Variants in ALK observed in about 807,000 individuals in gnomAD.
ALK encodes ALK tyrosine kinase receptor.
ALK carries 74 observed loss-of-function variants against 163.1 expected under a neutral mutation model. That is an observed-to-expected ratio of 0.45 (90% CI 0.38 to 0.55). The LOEUF (loss-of-function observed/expected upper bound fraction) is 0.55. Ranked by LOEUF, ALK falls within the 20% of genes least tolerant of loss-of-function variation. The pLI, the probability that ALK is intolerant of heterozygous loss-of-function variation, is 0.00. For synonymous variants in ALK, 960 were observed against 843.2 expected, an observed-to-expected ratio of 1.14 and a Z score of -2.40; for missense variants, 2,063 against 2,105.3, an observed-to-expected ratio of 0.98 and a Z score of 0.39.
intron 1 of ALK, among the ~76,000 whole-genome samples, chr2:29,838,627 A>G (rs1665625235): frequency 6.6e-6 from 1 of 152,206 alleles, no homozygotes; most frequent in Non-Finnish European, 1.5e-5. Context: ...ATGTGTATGT[A>G]TCTTTCAGAT....
rs117777779 is a variant in ALK, at chr2:29,467,688, G to C, written c.1154+64227C>G. Among the ~76,000 whole-genome samples, 80 of 152,254 alleles carry C rather than the reference G, an allele frequency of 5.3e-4. No homozygotes were observed. In the East Asian group the frequency reaches 0.014, roughly 26 times the overall value. The stretch of plus-strand genomic sequence containing the variant: ...CTTTTCAGGGACCCTCAAGATTAAA[G>C]CTCTTCTCATAATAATACTAAAATA... On this transcript the variant is annotated intron_variant, in intron 4 of 28. Transcript: ENST00000389048.
intron 5 of ALK, among the ~76,000 whole-genome samples, chr2:29,377,474 C>CAA (rs372035289): frequency 0.068 from 8,118 of 118,582 alleles, 409 homozygotes; most frequent in Middle Eastern, 0.12. Context: ...GACTACATCT[C>CAA]AAAAAAAAAA....
intron 1 of ALK, among the ~76,000 whole-genome samples, chr2:29,784,250 C>G (rs914422508): frequency 6.6e-6 from 1 of 152,204 alleles, no homozygotes; most frequent in African/African-American, 2.4e-5. Flanking sequence ...ATGAAAGGAA[C>G]TTTAGTGCTA....
chr2:29,587,668 G>C (rs758183132), intron 3 of ALK, among the ~76,000 whole-genome samples: 10 of 151,996 alleles, frequency 6.6e-5, no homozygotes, highest in Non-Finnish European at 1.3e-4. Context: ...GACTTCTTTC[G>C]ATCCTGATCT....
intron 3 of ALK, among the ~76,000 whole-genome samples, chr2:29,630,504 T>C (rs1439568318): frequency 6.6e-6 from 1 of 152,124 alleles, no homozygotes; most frequent in East Asian, 1.9e-4. Context: ...AATGTTAAGC[T>C]TTTATGGAAA....
intron 1 of ALK, among the ~76,000 whole-genome samples, chr2:29,732,348 A>G (rs961794813): frequency 1.3e-5 from 2 of 152,194 alleles, no homozygotes. Flanking sequence ...TGACTTTTCC[A>G]CCTACTCTGG....
intron 3 of ALK, among the ~76,000 whole-genome samples, chr2:29,561,418 T>C (rs940410031): frequency 2.0e-5 from 3 of 152,072 alleles, no homozygotes; most frequent in Non-Finnish European, 2.9e-5. Context: ...AGCCCGGTGA[T>C]TGGAGGAGGG....
chr2:29,575,308 T>C (rs944328097), intron 3 of ALK, among the ~76,000 whole-genome samples: 1 of 152,194 alleles, frequency 6.6e-6, no homozygotes, highest in Non-Finnish European at 1.5e-5. Context: ...TGACACGGCC[T>C]TCTACAGACT....
At chr2:29,327,121 T>C (rs927924231) in intron 6 of ALK, among the ~76,000 whole-genome samples, 3 of 152,192 alleles carry the variant, frequency 2.0e-5, no homozygotes, top group African/African-American at 7.2e-5. Context: ...GGCTCTGCGG[T>C]GATTACTTCT....
At chr2:29,820,272 A>T (rs1051510033) in intron 1 of ALK, among the ~76,000 whole-genome samples, 3 of 152,214 alleles carry the variant, frequency 2.0e-5, no homozygotes, top group African/African-American at 7.2e-5. Flanking sequence ...GGAGAAGTCC[A>T]CACAGGGAGG....
intron 5 of ALK, among the ~76,000 whole-genome samples, chr2:29,371,124 A>C (rs1351779386): frequency 2.0e-5 from 3 of 152,208 alleles, no homozygotes; most frequent in Non-Finnish European, 4.4e-5. Flanking sequence ...TATGGTTTGC[A>C]AATTGTGCAT....
intron 3 of ALK, among the ~76,000 whole-genome samples, chr2:29,690,800 C>T (rs1678373445): frequency 6.6e-6 from 1 of 152,154 alleles, no homozygotes; most frequent in Admixed American, 6.5e-5. Flanking sequence ...CTGCCTTTTT[C>T]TGGTCCTTCT....
At chr2:29,521,376 T>C (rs4581854) in intron 4 of ALK, among the ~76,000 whole-genome samples, 21,288 of 151,976 alleles carry the variant, frequency 0.14, 3,715 homozygotes, top group African/African-American at 0.41. Context: ...GGGAACACAA[T>C]CAGTCATTGG....
chr2:29,227,487 T>A lies in ALK; in HGVS notation c.2914+87A>T. On this transcript the variant is annotated intron_variant, in intron 17 of 28. Transcript: ENST00000389048. This position sits in a 1 kb window ranked among gnomAD's most constrained non-coding sequence, Gnocchi z 4.4. ...GACCCATAATTGTGCCTCTGTATCCTGGATACAGGTCAGAGACTCTGAGGT... is the reference window on the plus strand; with the variant it reads ...GACCCATAATTGTGCCTCTGTATCCAGGATACAGGTCAGAGACTCTGAGGT... 1 of 1,173,508 alleles carries A rather than the reference T, an allele frequency of 8.5e-7. No individual in the cohort carries two copies. The highest frequency in any genetic ancestry group is 1.3e-6 in the Non-Finnish European group (1 of 778,054). 72.7% of individuals were successfully genotyped at this position (1,173,508 alleles called of 1,614,324 possible).
At chr2:29,410,957 A>G (rs987348141) in intron 4 of ALK, among the ~76,000 whole-genome samples, 1 of 152,208 alleles carries the variant, frequency 6.6e-6, no homozygotes, top group Non-Finnish European at 1.5e-5. Context: ...TAAACTTTTA[A>G]TTTTTTGACT....
intron 5 of ALK, among the ~76,000 whole-genome samples, chr2:29,329,494 C>G (rs1667376185): frequency 6.6e-6 from 1 of 152,188 alleles, no homozygotes; most frequent in Non-Finnish European, 1.5e-5. Context: ...CCGAGTGAGC[C>G]TGCCTTACTC....
intron 3 of ALK, among the ~76,000 whole-genome samples, chr2:29,546,001 C>T (rs929266056): frequency 1.3e-5 from 2 of 152,098 alleles, no homozygotes; most frequent in Non-Finnish European, 2.9e-5. Flanking sequence ...TATATTTATG[C>T]TCATGTGTGT....
intron 1 of ALK, among the ~76,000 whole-genome samples, chr2:29,765,635 C>G (rs747917449): frequency 3.3e-5 from 5 of 150,974 alleles, no homozygotes; most frequent in Non-Finnish European, 7.4e-5. Context: ...AAAAGAGTAC[C>G]TTTTTTTTTA....
chr2:29,608,401 G>A (rs552426486), intron 3 of ALK, among the ~76,000 whole-genome samples: 1 of 152,360 alleles, frequency 6.6e-6, no homozygotes, highest in African/African-American at 2.4e-5. Context: ...TGGATGAACA[G>A]AGGTGTGAGT....
Sources: gnomAD v4.1 joint callset for allele counts (sites outside exome capture counted in the v4.1 genomes callset) on GRCh38, gnomAD v4.1.1 for gene constraint, Gnocchi (gnomAD v3.1) non-coding constraint, MANE v1.5 for transcripts, NCBI Gene and HGNC (gene_info 2026-07-23, HGNC 2026-07-21) for gene names.